NRG1: variants seen among roughly 807,000 people sequenced by gnomAD.
NRG1 encodes neuregulin 1.
Under a neutral mutation model 63.8 loss-of-function variants are expected in NRG1, and 18 were observed. That is an observed-to-expected ratio of 0.28 (90% CI 0.19 to 0.42). NRG1 has a LOEUF of 0.42. NRG1 is among the 10% of genes least tolerant of loss of function. NRG1 has a pLI of 1.00. For synonymous variants in NRG1, 302 were observed against 301.3 expected, an observed-to-expected ratio of 1.00 and a Z score of -0.02; for missense variants, 762 against 814.7, an observed-to-expected ratio of 0.94 and a Z score of 0.79.
intron 1 of NRG1, among the ~76,000 whole-genome samples, chr8:32,210,405 A>G (rs576738493): frequency 2.6e-5 from 4 of 152,280 alleles, no homozygotes; most frequent in East Asian, 3.9e-4. Context: ...AAAAAGCCAA[A>G]CACCTTAGTA....
At chr8:32,527,456 A>C (rs557644352) in intron 1 of NRG1, among the ~76,000 whole-genome samples, 26 of 152,276 alleles carry the variant, frequency 1.7e-4, no homozygotes, top group African/African-American at 5.8e-4. Context: ...AGTGGGAGCT[A>C]AATATGTGTA....
At chr8:32,276,901 C>A (rs768458484) in intron 1 of NRG1, among the ~76,000 whole-genome samples, 1 of 152,144 alleles carries the variant, frequency 6.6e-6, no homozygotes, top group East Asian at 1.9e-4. Flanking sequence ...ACAGCCACAA[C>A]GAATGCCACT....
chr8:31,875,520 A>G (rs370000088), intron 1 of NRG1, among the ~76,000 whole-genome samples: 1 of 152,182 alleles, frequency 6.6e-6, no homozygotes, highest in African/African-American at 2.4e-5. Flanking sequence ...AGACCTAAAC[A>G]TGGCAAAAAA....
chr8:32,682,407 C>G (rs912285099), intron 5 of NRG1, among the ~76,000 whole-genome samples: 3 of 152,122 alleles, frequency 2.0e-5, no homozygotes, highest in Non-Finnish European at 4.4e-5. Context: ...TATGTCATGA[C>G]TAAGAAGAGA....
At chr8:32,052,448 T>C (rs1822144444) in intron 1 of NRG1, among the ~76,000 whole-genome samples, 1 of 151,880 alleles carries the variant, frequency 6.6e-6, no homozygotes, top group African/African-American at 2.4e-5. Context: ...ATTAATTTTT[T>C]ATTTGTATTT....
At chr8:32,599,207 T>C (rs1843889351) in intron 2 of NRG1, among the ~76,000 whole-genome samples, 2 of 152,140 alleles carry the variant, frequency 1.3e-5, no homozygotes, top group Non-Finnish European at 2.9e-5. Flanking sequence ...ATATTCAGAC[T>C]ATTAGTGTTT....
intron 1 of NRG1, among the ~76,000 whole-genome samples, chr8:32,093,931 C>A (rs1829542112): frequency 6.6e-6 from 1 of 152,130 alleles, no homozygotes; most frequent in Non-Finnish European, 1.5e-5. Flanking sequence ...GGATATGATG[C>A]AAAAACATGA....
At chr8:31,791,316 G>A (rs1820686605) in intron 1 of NRG1, among the ~76,000 whole-genome samples, 1 of 151,928 alleles carries the variant, frequency 6.6e-6, no homozygotes, top group African/African-American at 2.4e-5. Flanking sequence ...GAGAAAATTT[G>A]TAAGGACGTA....
At chr8:31,923,868 C>T (rs1834116111) in intron 1 of NRG1, among the ~76,000 whole-genome samples, 1 of 152,040 alleles carries the variant, frequency 6.6e-6, no homozygotes, top group African/African-American at 2.4e-5. Context: ...TCTCCCACCC[C>T]TCACCCCTCT....
At chr8:32,766,842 C>G (rs1831467806) in exon 12 of NRG1, 1 of 152,140 alleles carries the variant, frequency 6.6e-6, no homozygotes, top group Admixed American at 6.5e-5. Flanking sequence ...CTGCCAAGGC[C>G]ACTAGATTTG....
rs1480675305 is a variant in NRG1, at chr8:32,141,606, A to G, written c.38-454222A>G. Among the ~76,000 whole-genome samples, 58 of 120,472 alleles carry G rather than the reference A, an allele frequency of 4.8e-4. 1 individual carries two copies. Among genetic ancestry groups the G allele is most frequent in the African/African-American group, 1.5e-3 (56 of 36,182 alleles). 79.0% of individuals were successfully genotyped at this position (120,472 alleles called of 152,430 possible). Reference sequence around the variant, plus strand: ...TATGTGTGTGGGTATATATATATATATATATATATATATATATATATATGA... The same window carrying G: ...TATGTGTGTGGGTATATATATATATGTATATATATATATATATATATATGA... On this transcript the variant is annotated intron_variant, in intron 1 of 10. Coordinates refer to the NRG1 transcript ENST00000519301.
At chr8:31,934,881 T>C (rs1456411603) in intron 1 of NRG1, among the ~76,000 whole-genome samples, 1 of 152,222 alleles carries the variant, frequency 6.6e-6, no homozygotes. Context: ...CTGGCACATG[T>C]AGAGACTCAG....
intron 1 of NRG1, among the ~76,000 whole-genome samples, chr8:32,280,187 G>A (rs576060136): frequency 6.6e-6 from 1 of 152,314 alleles, no homozygotes; most frequent in South Asian, 2.1e-4. Context: ...TGTGAAGCTC[G>A]ATAAATTCAA....
chr8:32,401,697 A>T (rs150189734), intron 1 of NRG1, among the ~76,000 whole-genome samples: 1 of 152,222 alleles, frequency 6.6e-6, no homozygotes, highest in Non-Finnish European at 1.5e-5. Context: ...AAACACATGG[A>T]CACAAAGAGA....
intron 1 of NRG1, among the ~76,000 whole-genome samples, chr8:32,323,697 C>A (rs922433151): frequency 6.6e-6 from 1 of 152,236 alleles, no homozygotes; most frequent in Admixed American, 6.5e-5. Flanking sequence ...TTCATTTCCT[C>A]TTTTTCTCCT....
intron 1 of NRG1, among the ~76,000 whole-genome samples, chr8:32,180,312 C>T (rs1841298113): frequency 6.6e-6 from 1 of 152,118 alleles, no homozygotes; most frequent in Non-Finnish European, 1.5e-5. Context: ...ACAATCTAAT[C>T]CAGGGTCCTA....
Position 31,860,231 on chromosome 8 carries a change from A to C in NRG1, c.37+220800A>C, listed in dbSNP as rs569836720. Among the ~76,000 whole-genome samples, 52 of 152,344 alleles carry C rather than the reference A, an allele frequency of 3.4e-4. 1 individual carries two copies. Among genetic ancestry groups the C allele is most frequent in the African/African-American group, 1.2e-3 (50 of 41,580 alleles). ...ATACTATTATGATTAATCTATTCTGAGTTCCTTAAATGCTATTGTAACAAT... is the reference window on the plus strand; with the variant it reads ...ATACTATTATGATTAATCTATTCTGCGTTCCTTAAATGCTATTGTAACAAT... On this transcript the variant is annotated intron_variant, in intron 1 of 10. Coordinates refer to the NRG1 transcript ENST00000519301.
intron 1 of NRG1, among the ~76,000 whole-genome samples, chr8:32,137,121 C>G (rs1037669460): frequency 6.6e-6 from 1 of 151,932 alleles, no homozygotes; most frequent in Non-Finnish European, 1.5e-5. Context: ...GCTCCTTTAC[C>G]GCTGAGTCAC....
In NRG1 at chr8:32,526,337, C is replaced by T. The variant is rs866699638; in HGVS notation, c.38-69491C>T. On this transcript the variant is annotated intron_variant, in intron 1 of 10. Coordinates refer to the NRG1 transcript ENST00000519301. The stretch of plus-strand genomic sequence containing the variant: ...CTCATCCCTTGCCACATGGCTCTCT[C>T]TCTATAGCAGTTTGTTTAATCAAAG... 7.1e-4 allele frequency among the ~76,000 whole-genome samples: 108 copies of T among 152,338 alleles called. 1 individual carries two copies. The highest frequency in any genetic ancestry group is 2.5e-3 in the African/African-American group (102 of 41,582).
Sources: gnomAD v4.1 joint callset for allele counts (sites outside exome capture counted in the v4.1 genomes callset) on GRCh38, gnomAD v4.1.1 for gene constraint, MANE v1.5 for transcripts, NCBI Gene and HGNC (gene_info 2026-07-23, HGNC 2026-07-21) for gene names.